Variants in PUSL1 observed in about 807,000 individuals in gnomAD.
PUSL1 encodes tRNA pseudouridine synthase-like 1.
PUSL1 carries 51 observed loss-of-function variants against 30.7 expected under a neutral mutation model. The observed-to-expected ratio is 1.66, with a 90% CI of 1.33 to 2.10. PUSL1 has a LOEUF of 2.10. Ranked by LOEUF, PUSL1 falls within the 30% of genes most tolerant of loss-of-function variation. The pLI is 0.00. For missense variants in PUSL1, 609 were observed against 427.6 expected (o/e 1.42, Z -3.74); for synonymous variants, 290 against 192.1 (o/e 1.51, Z -4.21).
In PUSL1 at chr1:1,309,271, C is replaced by T; in HGVS notation, c.321C>T (p.Ile107=). The change falls in exon 3 of 8, where the codon ATC becomes ATT. Residue 107 remains isoleucine, a splice_region_variant and synonymous_variant. Transcript: ENST00000379031. The part of the protein sequence containing the change: ...ALNTHLRHPA[I]RVLRAFRVPS... ...ACACACACCTGCGGCACCCGGCCAT[C>T]AGGTGAGCCCGCGACCTAAGCAGCC... 3 of 1,479,828 alleles carry T rather than the reference C, an allele frequency of 2.0e-6. No individual in the cohort carries two copies. In the South Asian group the frequency reaches 4.1e-5, roughly 20 times the overall value. The allele number at this position is 1,479,828 out of a possible 1,614,324, so 91.7% of individuals were successfully genotyped here. A position where few individuals can be genotyped will look rare whatever the true frequency, so the allele number is the denominator to read the frequency against.
In PUSL1 at chr1:1,311,031, C is replaced by A; in HGVS notation, c.822C>A (p.Ala274=). Reference sequence around the variant, plus strand: ...AGCACCAGACACGTGTAGCCCCAGCCCACGGCTTATTCCTCAAGTCAGTGC... The same window carrying A: ...AGCACCAGACACGTGTAGCCCCAGCACACGGCTTATTCCTCAAGTCAGTGC... The part of the protein sequence containing the change: ...LGKHQTRVAP[A]HGLFLKSVLY... Residue 274 remains alanine (A), a synonymous_variant, in exon 7 of 8, where the codon GCC becomes GCA. Coordinates refer to ENST00000379031, the MANE Select transcript of PUSL1 (RefSeq NM_153339.3). The A allele has an allele frequency of 6.2e-7, 1 of 1,612,270 alleles. No individual in the cohort carries two copies. Among genetic ancestry groups the A allele is most frequent in the South Asian group, 1.1e-5 (1 of 91,076 alleles).
At position 1,309,375 on chromosome 1, in the gene PUSL1, C is replaced by T; in HGVS notation, c.324-79C>T. 2.0e-6 allele frequency: 3 copies of T among 1,489,708 alleles called. No homozygotes were observed. In the South Asian group the frequency reaches 3.8e-5, roughly 19 times the overall value. The allele number at this position is 1,489,708 out of a possible 1,614,324, so 92.3% of individuals were successfully genotyped here. A position where few individuals can be genotyped will look rare whatever the true frequency, so the allele number is the denominator to read the frequency against. ...GACAGACTTCCTTGTCTGGTCGGAG[C>T]TCGAGGGGGAAGGAGAGCCAATGTG... On this transcript the variant is annotated intron_variant, in intron 3 of 7. Coordinates refer to ENST00000379031, the MANE Select transcript of PUSL1 (RefSeq NM_153339.3).
chr1:1,309,079 C>A lies in PUSL1; in HGVS notation c.136-7C>A. 6.8e-7 allele frequency: 1 copy of A among 1,474,388 alleles called. No homozygotes were observed. The highest frequency in any genetic ancestry group is 8.9e-7 in the Non-Finnish European group (1 of 1,122,200). 91.3% of individuals were successfully genotyped at this position (1,474,388 alleles called of 1,614,324 possible). A position where few individuals can be genotyped will look rare whatever the true frequency, so the allele number is the denominator to read the frequency against. ...TCACCCGCCCGCCCCGCGGCTCGGT[C>A]CTGCAGGAGGCCGCCGAGCGGCTGA... On this transcript the variant is annotated splice_region_variant and splice_polypyrimidine_tract_variant and intron_variant, in intron 2 of 7. Coordinates refer to ENST00000379031, the MANE Select transcript of PUSL1 (RefSeq NM_153339.3).
intron 4 of PUSL1, 31 bp downstream of exon 4, chr1:1,309,634 C>T (rs1332978639): frequency 3.8e-6 from 6 of 1,596,190 alleles, no homozygotes; most frequent in Admixed American, 1.7e-5. Context: ...GGGGAGGGGG[C>T]GGGCAGGCCG....
chr1:1,311,378 G>A lies in PUSL1; in HGVS notation c.911G>A (p.Ter304=). The change falls in exon 8 of 8, where the codon TGA becomes TAA. Residue 304 remains the stop codon, a stop_retained_variant. Transcript: ENST00000379031. ...GGGCCACAGTTCGGGAGCCACGGAT[G>A]ACCCTGGACACTCAAGCCAAAGTTA... The part of the protein sequence containing the change: ...LQGPQFGSHG[*] 1.9e-6 allele frequency: 3 copies of A among 1,599,334 alleles called. No individual in the cohort carries two copies. Among genetic ancestry groups the A allele is most frequent in the Non-Finnish European group, 2.6e-6 (3 of 1,172,140 alleles).
chr1:1,308,670 C>A lies in PUSL1; in HGVS notation c.27C>A (p.Ser9=). Residue 9 remains serine (S), a synonymous_variant, in exon 1 of 8, where the codon TCC becomes TCA. Transcript: ENST00000379031. ...TGAGTTCGGCGCCGGCCTCAGGCTC[C>A]GTGCGCGCGCGCTATCTTGTGTACT... is the stretch of plus-strand genomic sequence containing the variant. MSSAPASG[S]VRARYLVYFQ... 1 of 1,547,088 alleles carries A rather than the reference C, an allele frequency of 6.5e-7. No individual in the cohort carries two copies. The highest frequency in any genetic ancestry group is 8.7e-7 in the Non-Finnish European group (1 of 1,150,896).
At chr1:1,310,723 G>A (rs768772379) in intron 6 of PUSL1, 35 bp downstream of exon 6, 3 of 1,612,546 alleles carry the variant, frequency 1.9e-6, no homozygotes, top group South Asian at 2.2e-5. Flanking sequence ...CCAGGGGGTG[G>A]GGCTGAGGGT....
rs1423718728 is a variant in PUSL1 at position 1,311,642 on chromosome 1, C to G, written c.*263C>G. 2.8e-6 allele frequency: 2 copies of G among 707,004 alleles called. No individual in the cohort carries two copies. The highest frequency in any genetic ancestry group is 2.0e-5 in the Admixed American group (1 of 49,216). 43.8% of individuals were successfully genotyped at this position (707,004 alleles called of 1,614,324 possible). A position where few individuals can be genotyped will look rare whatever the true frequency, so the allele number is the denominator to read the frequency against. On this transcript the variant is annotated 3_prime_UTR_variant, in exon 8 of 8. Transcript: ENST00000379031. Reference sequence around the variant, plus strand: ...ACTGGAAACTGCTGTCTAGGACCACCTGCCCTAACCAGGAATAAAGGCAAG... The same window carrying G: ...ACTGGAAACTGCTGTCTAGGACCACGTGCCCTAACCAGGAATAAAGGCAAG...
intron 2 of PUSL1, 24 bp from the exon 3 acceptor site, chr1:1,309,062 C>A (rs1432262598): frequency 2.1e-6 from 3 of 1,410,312 alleles, no homozygotes; most frequent in Non-Finnish European, 2.7e-6. Context: ...GCTCACCCGC[C>A]CGCCCCGCGG....
chr1:1,309,410 G>A, intron 3 of PUSL1, 44 bp from the exon 4 acceptor site: 2 of 1,540,742 alleles, frequency 1.3e-6, no homozygotes. Context: ...GACACCGCGG[G>A]CGGGCGGGGT....
intron 6 of PUSL1, 109 bp downstream of exon 6, chr1:1,310,797 A>G: frequency 4.4e-6 from 7 of 1,608,732 alleles, no homozygotes; most frequent in Non-Finnish European, 8.5e-7. Flanking sequence ...GGTACGGAGG[A>G]TGACGGCTGT....
At position 1,310,670 on chromosome 1, in the gene PUSL1, G is replaced by A. The variant is rs1642080738; in HGVS notation, c.681G>A (p.Gln227=). ...LRFWNLEFES[Q]SFLYRQVRRM... is the part of the protein sequence containing the mutation. ...TCTGGAACCTGGAGTTTGAGAGCCAGTCTTTCCTGTATAGACAGGTAGGCT... is the reference window on the plus strand; with the variant it reads ...TCTGGAACCTGGAGTTTGAGAGCCAATCTTTCCTGTATAGACAGGTAGGCT... The change falls in exon 6 of 8, where the codon CAG becomes CAA. Residue 227 remains glutamine, a synonymous_variant. Transcript: ENST00000379031. The A allele has an allele frequency of 1.9e-6, 3 of 1,592,352 alleles. No homozygotes were observed. Among genetic ancestry groups the A allele is most frequent in the Non-Finnish European group, 2.6e-6 (3 of 1,165,270 alleles).
chr1:1,310,871 A>G (rs1283296396), intron 6 of PUSL1, 38 bp from the exon 7 acceptor site: 4 of 1,524,708 alleles, frequency 2.6e-6, no homozygotes, highest in Non-Finnish European at 3.6e-6. Context: ...CTGGTGGGTC[A>G]CGGGCGGCTC....
chr1:1,310,257 C>T (rs917835508), intron 5 of PUSL1: 2 of 339,576 alleles, frequency 5.9e-6, no homozygotes, highest in Non-Finnish European at 1.1e-5. Context: ...GGAAGAACTT[C>T]TGCCAGCCCC....
intron 5 of PUSL1, 35 bp downstream of exon 5, chr1:1,309,886 CAA>C: frequency 7.0e-7 from 1 of 1,438,020 alleles, no homozygotes; most frequent in Non-Finnish European, 9.3e-7. Context: ...GCCCTGCCCT[CAA>C]GTCACGTGCT....
chr1:1,308,622 A>T lies in PUSL1; in HGVS notation c.-22A>T, dbSNP rs1641896762. The T allele has an allele frequency of 1.4e-6, 2 of 1,398,766 alleles. No homozygotes were observed. Among genetic ancestry groups the T allele is most frequent in the Non-Finnish European group, 1.9e-6 (2 of 1,070,974 alleles). The allele number at this position is 1,398,766 out of a possible 1,614,324, so 86.6% of individuals were successfully genotyped here. A position where few individuals can be genotyped will look rare whatever the true frequency, so the allele number is the denominator to read the frequency against. On this transcript the variant is annotated 5_prime_UTR_variant, in exon 1 of 8. Coordinates refer to ENST00000379031, the MANE Select transcript of PUSL1 (RefSeq NM_153339.3). ...ATTCCTGCGCTGGAGGCCGCCTCTGACGCCACCGGCTGGGCTCCGCCATGA... is the reference window on the plus strand; with the variant it reads ...ATTCCTGCGCTGGAGGCCGCCTCTGTCGCCACCGGCTGGGCTCCGCCATGA...
At chr1:1,308,767 A>T in intron 1 of PUSL1, 47 bp downstream of exon 1, 1 of 1,472,796 alleles carries the variant, frequency 6.8e-7, no homozygotes, top group Non-Finnish European at 9.1e-7. Flanking sequence ...GCCCGGGCGG[A>T]GGCGGGAAGG....
At position 1,311,231 on chromosome 1, in the gene PUSL1, G is replaced by A. The variant is rs560696067; in HGVS notation, c.863-99G>A. On this transcript the variant is annotated intron_variant, in intron 7 of 7. Transcript: ENST00000379031. The stretch of plus-strand genomic sequence containing the variant: ...CTCAGGCCAGCCCGTAGCCCGTCCT[G>A]GGCTGGCCCACTCCCTGGTCATGGG... 2.8e-6 allele frequency: 4 copies of A among 1,411,312 alleles called. No homozygotes were observed. The East Asian group carries it at 7.3e-5, about 26-fold the overall frequency. The allele number at this position is 1,411,312 out of a possible 1,614,324, so 87.4% of individuals were successfully genotyped here.
intron 5 of PUSL1, chr1:1,310,133 T>C (rs1642038975): frequency 1.1e-5 from 5 of 463,282 alleles, no homozygotes; most frequent in Non-Finnish European, 1.9e-5. Context: ...GTCTCACTGG[T>C]GCCAGTGGTT....
Sources: allele counts gnomAD v4.1 joint callset, GRCh38; gene constraint gnomAD v4.1.1; transcripts MANE v1.5; gene names NCBI Gene and HGNC (gene_info 2026-07-23, HGNC 2026-07-21).